The following PSMB7 variants were observed in gnomAD, a reference collection of about 807,000 sequenced individuals.
PSMB7 encodes proteasome subunit beta type-7.
PSMB7 carries 5 observed loss-of-function variants against 28.1 expected under a neutral mutation model. The ratio of observed to expected loss-of-function variants is 0.18; its 90% CI spans 0.09 to 0.37. The LOEUF is 0.37. Among genes scored for constraint, PSMB7 ranks in the 10% least tolerant of loss-of-function variants. PSMB7 has a pLI of 1.00. For synonymous variants in PSMB7, 122 were observed against 123.7 expected (o/e 0.99, Z 0.09); for missense variants, 275 against 346.2 (o/e 0.79, Z 1.63).
chr9:124,388,592 C>A (rs985447931), intron 5 of PSMB7, among the ~76,000 whole-genome samples: 1 of 152,154 alleles, frequency 6.6e-6, no homozygotes, highest in Non-Finnish European at 1.5e-5. Context: ...AGCTGTTGAC[C>A]CTATGTCGCG....
At chr9:124,395,016 A>G (rs902385946) in intron 5 of PSMB7, among the ~76,000 whole-genome samples, 1 of 152,244 alleles carries the variant, frequency 6.6e-6, no homozygotes, top group African/African-American at 2.4e-5. Context: ...AGAGCTACAC[A>G]CAGAAAAATG....
chr9:124,361,706 T>C (rs1309806149), intron 6 of PSMB7, among the ~76,000 whole-genome samples: 3 of 152,218 alleles, frequency 2.0e-5, no homozygotes, highest in Admixed American at 2.0e-4. Flanking sequence ...AGAATGAGTT[T>C]TAAACTGTCA....
intron 5 of PSMB7, among the ~76,000 whole-genome samples, chr9:124,389,488 A>G (rs899850139): frequency 2.0e-5 from 3 of 152,128 alleles, no homozygotes; most frequent in Non-Finnish European, 4.4e-5. Flanking sequence ...GGACACTATG[A>G]TGGCTACCTA....
intron 5 of PSMB7, among the ~76,000 whole-genome samples, chr9:124,387,245 C>G: frequency 6.6e-6 from 1 of 151,854 alleles, no homozygotes; most frequent in Non-Finnish European, 1.5e-5. Flanking sequence ...GACTCTGTCT[C>G]AAACAAAAAA....
intron 5 of PSMB7, among the ~76,000 whole-genome samples, chr9:124,391,289 C>CA (rs1830784727): frequency 6.6e-6 from 1 of 152,200 alleles, no homozygotes; most frequent in Non-Finnish European, 1.5e-5. Context: ...GATTCTGAAG[C>CA]CAGATCTTTC....
At chr9:124,388,965 C>G (rs1830755707) in intron 5 of PSMB7, among the ~76,000 whole-genome samples, 1 of 152,160 alleles carries the variant, frequency 6.6e-6, no homozygotes, top group Non-Finnish European at 1.5e-5. Flanking sequence ...CACATGGCAG[C>G]ATTAGGAGAG....
At chr9:124,380,595 G>A (rs1830654117) in intron 6 of PSMB7, among the ~76,000 whole-genome samples, 1 of 152,098 alleles carries the variant, frequency 6.6e-6, no homozygotes, top group Non-Finnish European at 1.5e-5. Context: ...CAGGATTTCA[G>A]ATATAAACTG....
intron 2 of PSMB7, among the ~76,000 whole-genome samples, chr9:124,414,611 T>TAAAAA (rs11418169): frequency 7.1e-6 from 1 of 141,062 alleles, no homozygotes. Context: ...CTGACCTGTT[T>TAAAAA]AAAAAAAAAA....
intron 6 of PSMB7, among the ~76,000 whole-genome samples, chr9:124,375,203 G>A (rs1399109724): frequency 2.0e-5 from 3 of 151,658 alleles, no homozygotes; most frequent in African/African-American, 7.3e-5. Flanking sequence ...TCACTCTGTC[G>A]CCCCAGGCTG....
At chr9:124,413,211 T>C (rs1197710990) in intron 3 of PSMB7, among the ~76,000 whole-genome samples, 15 of 126,332 alleles carry the variant, frequency 1.2e-4, no homozygotes, top group Admixed American at 1.1e-3. Context: ...GAAAAGGTTA[T>C]ATATGAGCTG....
Position 124,356,913 on chromosome 9 carries a change from C to T in PSMB7, c.573G>A (p.Glu191=), listed in dbSNP as rs755779551. Reference sequence around the variant, plus strand: ...CGCTCACCAGATTCTTGGCTTCCTCCTCCTGAGAAACAGAACGGCGGCAAT... The same window carrying T: ...CGCTCACCAGATTCTTGGCTTCCTCTTCCTGAGAAACAGAACGGCGGCAAT... The part of the protein sequence containing the change: ...FEDKFRPDME[E]EEAKNLVSEA... The change falls in exon 7 of 8, where the codon GAG becomes GAA. Residue 191 remains glutamate, a splice_region_variant and synonymous_variant. Transcript: ENST00000259457. This position sits in a 1 kb window ranked among gnomAD's most constrained non-coding sequence, Gnocchi z 4.4. The T allele has an allele frequency of 1.3e-5, 21 of 1,614,152 alleles. No homozygotes were observed. The South Asian group carries it at 2.2e-4, about 17-fold the overall frequency.
chr9:124,386,519 A>G (rs1830721901), intron 5 of PSMB7, among the ~76,000 whole-genome samples: 1 of 152,246 alleles, frequency 6.6e-6, no homozygotes, highest in African/African-American at 2.4e-5. Flanking sequence ...GGCAACTGCA[A>G]ATGAAGAATC....
rs772524538 is a variant in PSMB7, at chr9:124,406,497, CAAAAAAAAAAA to C, written c.396-1076_396-1066del. 2.0e-3 allele frequency among the ~76,000 whole-genome samples: 101 copies of C among 50,506 alleles called. No homozygotes were observed. In the East Asian group the frequency reaches 0.033, roughly 17 times the overall value. The allele number at this position is 50,506 out of a possible 152,430, so 33.1% of individuals were successfully genotyped here. On this transcript the variant is annotated intron_variant, in intron 4 of 7. Transcript: ENST00000259457. Reference sequence around the variant, plus strand: ...AGCCAGGACAGAGCAAGAGTTGTCTCAAAAAAAAAAAAAAAAAAAAAAAGTATCAACCTCAC... The same window carrying C: ...AGCCAGGACAGAGCAAGAGTTGTCTCAAAAAAAAAAAAGTATCAACCTCAC...
chr9:124,414,812 C>T (rs745639724), intron 2 of PSMB7, 30 bp downstream of exon 2: 1 of 1,585,584 alleles, frequency 6.3e-7, no homozygotes, highest in East Asian at 2.2e-5. Flanking sequence ...CCGGTTCAGT[C>T]ACTGCTGCTC....
At chr9:124,373,202 T>C (rs1005715423) in intron 6 of PSMB7, among the ~76,000 whole-genome samples, 5 of 152,200 alleles carry the variant, frequency 3.3e-5, no homozygotes, top group African/African-American at 1.2e-4. Context: ...CACTGAACCA[T>C]AAATGCCAAC....
At chr9:124,395,214 G>C (rs1830827620) in intron 5 of PSMB7, among the ~76,000 whole-genome samples, 1 of 152,176 alleles carries the variant, frequency 6.6e-6, no homozygotes, top group African/African-American at 2.4e-5. Flanking sequence ...GCTAAGCATA[G>C]TGGCTCATGC....
At chr9:124,396,079 T>C (rs1338079155) in intron 5 of PSMB7, among the ~76,000 whole-genome samples, 4 of 152,246 alleles carry the variant, frequency 2.6e-5, no homozygotes, top group Admixed American at 2.6e-4. Context: ...ATGAAGTCCA[T>C]ATATACGTGC....
chr9:124,360,822 A>G (rs1830458806), intron 6 of PSMB7, among the ~76,000 whole-genome samples: 1 of 152,258 alleles, frequency 6.6e-6, no homozygotes, highest in Non-Finnish European at 1.5e-5. Context: ...TATAATGATA[A>G]TAAATCCAAC....
chr9:124,386,723 G>A (rs1207031679), intron 5 of PSMB7, among the ~76,000 whole-genome samples: 20 of 152,136 alleles, frequency 1.3e-4, no homozygotes, highest in Admixed American at 1.3e-3. Context: ...GTGGAAAACT[G>A]TAATGAATTG....
Sources: allele counts gnomAD v4.1 joint callset (sites outside exome capture counted in the v4.1 genomes callset), GRCh38; gene constraint gnomAD v4.1.1; non-coding constraint Gnocchi (gnomAD v3.1); transcripts MANE v1.5; gene names NCBI Gene and HGNC (gene_info 2026-07-23, HGNC 2026-07-21).